LPCAT1: variants seen among roughly 807,000 people sequenced by gnomAD.
The protein encoded by LPCAT1 is lysophosphatidylcholine acyltransferase 1.
Under a neutral mutation model 60.9 loss-of-function variants are expected in LPCAT1, and 23 were observed. The ratio of observed to expected loss-of-function variants is 0.38; its 90% CI spans 0.27 to 0.53. The LOEUF (loss-of-function observed/expected upper bound fraction) is 0.53, where lower values mean the gene tolerates loss of function less well. Among genes scored for constraint, LPCAT1 ranks in the 20% least tolerant of loss-of-function variants. LPCAT1 has a pLI of 0.82. For missense variants in LPCAT1, 622 were observed against 723.6 expected, an observed-to-expected ratio of 0.86 and a Z score of 1.61; for synonymous variants, 340 against 301.1, an observed-to-expected ratio of 1.13 and a Z score of -1.34.
intron 1 of LPCAT1, among the ~76,000 whole-genome samples, chr5:1,507,341 TA>T (rs1397049974): frequency 1.3e-5 from 2 of 152,218 alleles, no homozygotes; most frequent in African/African-American, 4.8e-5. Context: ...GTGTGAGCCA[TA>T]AGTGAGGGTT....
In LPCAT1 at chr5:1,466,770, C is replaced by T. The variant is rs1734425771; in HGVS notation, c.1399G>A (p.Glu467Lys). Reference protein sequence around the residue: ...TDLFRAIDQEEKGKITFADFH... With the variant: ...TDLFRAIDQEKKGKITFADFH... ...TCACCGAATGTGATCTTCCCCTTCT[C>T]CTCTTGGTCAATGGCTCGGAATAGG... The change falls in exon 13 of 14, where the codon GAG becomes AAG. Residue 467 changes from glutamate (E) to lysine (K), a missense_variant. Coordinates refer to ENST00000283415, the MANE Select transcript of LPCAT1 (RefSeq NM_024830.5). 2 of 1,612,354 alleles carry T rather than the reference C, an allele frequency of 1.2e-6. No individual in the cohort carries two copies. The highest frequency in any genetic ancestry group is 2.7e-5 in the African/African-American group (2 of 74,978).
intron 4 of LPCAT1, among the ~76,000 whole-genome samples, chr5:1,489,395 A>G (rs960385178): frequency 6.6e-6 from 1 of 152,246 alleles, no homozygotes; most frequent in Non-Finnish European, 1.5e-5. Flanking sequence ...AGTTTACTCC[A>G]GGACTTTTAG....
At position 1,523,721 on chromosome 5, in the gene LPCAT1, GC is replaced by G; in HGVS notation, c.123del (p.Gln42ArgfsTer8). 1 of 1,159,032 alleles carries G rather than the reference GC, an allele frequency of 8.6e-7. No individual in the cohort carries two copies. Among genetic ancestry groups the G allele is most frequent in the Non-Finnish European group, 1.1e-6 (1 of 935,906 alleles). The allele number at this position is 1,159,032 out of a possible 1,614,324, so 71.8% of individuals were successfully genotyped here. ...CCCTGGGCACCCACCTGGGCCTTCT[GC>G]AGGGCGCTGAGGCGCAGCTCGTGCA... ...PFVHELRLSALQKAQVALMTL... is the reference protein window; with the variant it reads ...PFVHELRLSAXQKAQVALMTL... On this transcript the variant is annotated frameshift_variant, in exon 1 of 14. Coordinates refer to ENST00000283415, the MANE Select transcript of LPCAT1 (RefSeq NM_024830.5). LOFTEE classifies it high-confidence loss of function. The surrounding 1 kb of genome is among the most constrained non-coding windows in gnomAD (Gnocchi z 7.1).
At chr5:1,465,896 C>G (rs1734376353) in intron 13 of LPCAT1, among the ~76,000 whole-genome samples, 1 of 151,990 alleles carries the variant, frequency 6.6e-6, no homozygotes, top group Non-Finnish European at 1.5e-5. Context: ...CGCACACGCA[C>G]ACACACGTGT....
At chr5:1,471,222 A>G (rs1734655858) in intron 11 of LPCAT1, among the ~76,000 whole-genome samples, 1 of 152,220 alleles carries the variant, frequency 6.6e-6, no homozygotes, top group South Asian at 2.1e-4. Context: ...CAAGACCTGC[A>G]TTTGAGAATA....
chr5:1,493,005 G>A (rs985032507), intron 3 of LPCAT1, among the ~76,000 whole-genome samples: 3 of 152,254 alleles, frequency 2.0e-5, no homozygotes, highest in African/African-American at 7.2e-5. Flanking sequence ...ACCACAGGAT[G>A]CAAAGGGTGC....
At position 1,475,184 on chromosome 5, in the gene LPCAT1, T is replaced by C. The variant is rs145123005; in HGVS notation, c.900-499A>G. Among the ~76,000 whole-genome samples the C allele has an allele frequency of 8.3e-4, 127 of 152,350 alleles. 1 individual carries two copies. The highest frequency in any genetic ancestry group is 2.9e-3 in the African/African-American group (120 of 41,580). On this transcript the variant is annotated intron_variant, in intron 9 of 13. Coordinates refer to ENST00000283415, the MANE Select transcript of LPCAT1 (RefSeq NM_024830.5). Reference sequence around the variant, plus strand: ...AGAGCTGCTCTGACCGTGCCGTGTGTGCTCAGGTGATGAGAAATCGGTGCC... The same window carrying C: ...AGAGCTGCTCTGACCGTGCCGTGTGCGCTCAGGTGATGAGAAATCGGTGCC...
intron 1 of LPCAT1, among the ~76,000 whole-genome samples, chr5:1,508,022 G>T (rs1026092916): frequency 2.0e-5 from 3 of 152,220 alleles, no homozygotes; most frequent in Non-Finnish European, 4.4e-5. Context: ...CCTCCACCTT[G>T]CGAGGACACA....
rs188552679 is a variant in LPCAT1 at position 1,477,050 on chromosome 5, G to A, written c.899+354C>T. Among the ~76,000 whole-genome samples the A allele has an allele frequency of 3.3e-5, 5 of 152,240 alleles. No individual in the cohort carries two copies. Among genetic ancestry groups the A allele is most frequent in the Non-Finnish European group, 5.9e-5 (4 of 68,046 alleles). ...CGGTAAGTATCACACAGGCAGATGA[G>A]CAAAGGTAGGCGTGGAGGCCGCCGC... On this transcript the variant is annotated intron_variant, in intron 9 of 13. Coordinates refer to ENST00000283415, the MANE Select transcript of LPCAT1 (RefSeq NM_024830.5). The surrounding 1 kb of genome is among the most constrained non-coding windows in gnomAD (Gnocchi z 6.0).
At chr5:1,504,216 G>C (rs886735918) in intron 1 of LPCAT1, among the ~76,000 whole-genome samples, 13 of 152,248 alleles carry the variant, frequency 8.5e-5, no homozygotes, top group African/African-American at 2.4e-5. Flanking sequence ...AGTCTAAGGG[G>C]CAGCCTTTTC....
intron 1 of LPCAT1, among the ~76,000 whole-genome samples, chr5:1,514,784 G>A (rs1242979556): frequency 6.6e-6 from 1 of 152,036 alleles, no homozygotes; most frequent in Non-Finnish European, 1.5e-5. Flanking sequence ...GTCCCCCTGC[G>A]TGCTCCGCCA....
intron 9 of LPCAT1, 72 bp from the exon 10 acceptor site, chr5:1,474,757 C>T (rs1219366987): frequency 8.4e-6 from 13 of 1,545,230 alleles, no homozygotes; most frequent in East Asian, 4.6e-5. Flanking sequence ...CCAGAATAAC[C>T]GCCGATGGCT....
chr5:1,508,772 G>A (rs370135699), intron 1 of LPCAT1, among the ~76,000 whole-genome samples: 3 of 152,202 alleles, frequency 2.0e-5, no homozygotes, highest in Non-Finnish European at 4.4e-5. Context: ...GAACTCTCTG[G>A]AAGTCTCTGA....
At chr5:1,519,427 C>T (rs529971876) in intron 1 of LPCAT1, among the ~76,000 whole-genome samples, 2 of 152,352 alleles carry the variant, frequency 1.3e-5, no homozygotes, top group South Asian at 4.1e-4. Flanking sequence ...CGATTTTGAA[C>T]CCCCCTTCCC....
At chr5:1,514,780 CT>C (rs1736455856) in intron 1 of LPCAT1, among the ~76,000 whole-genome samples, 2 of 152,116 alleles carry the variant, frequency 1.3e-5, no homozygotes, top group Admixed American at 1.3e-4. Flanking sequence ...AAAGGTCCCC[CT>C]GCGTGCTCCG....
intron 11 of LPCAT1, among the ~76,000 whole-genome samples, chr5:1,473,366 G>A (rs1386726330): frequency 6.6e-6 from 1 of 152,268 alleles, no homozygotes; most frequent in Non-Finnish European, 1.5e-5. Context: ...GCTCGCCGTG[G>A]CAGCCTGTCC....
At position 1,502,456 on chromosome 5, in the gene LPCAT1, TGG is replaced by T. The variant is rs1736052094; in HGVS notation, c.136-855_136-854del. Among the ~76,000 whole-genome samples, 1 of 151,564 alleles carries T rather than the reference TGG, an allele frequency of 6.6e-6. No homozygotes were observed. The highest frequency in any genetic ancestry group is 2.4e-5 in the African/African-American group (1 of 41,210). On this transcript the variant is annotated intron_variant, in intron 1 of 13. Transcript: ENST00000283415. This position sits in a 1 kb window ranked among gnomAD's most constrained non-coding sequence, Gnocchi z 5.5. The stretch of plus-strand genomic sequence containing the variant: ...AATGAAGGTGTGACTTTCCAGTCAA[TGG>T]AAGACCCGGCGCAGGAGAGTGAACT...
Position 1,483,764 on chromosome 5 carries a change from G to A in LPCAT1, c.668-278C>T, listed in dbSNP as rs1735258823. Among the ~76,000 whole-genome samples the A allele has an allele frequency of 6.6e-6, 1 of 151,066 alleles. No individual in the cohort carries two copies. Among genetic ancestry groups the A allele is most frequent in the African/African-American group, 2.4e-5 (1 of 41,098 alleles). On this transcript the variant is annotated intron_variant, in intron 5 of 13. Transcript: ENST00000283415. This position sits in a 1 kb window ranked among gnomAD's most constrained non-coding sequence, Gnocchi z 9.2. Reference sequence around the variant, plus strand: ...CACGAGCTGGAAGGCGTCTGTGGAGGGACACTTGCTATTATAACATTGCGC... The same window carrying A: ...CACGAGCTGGAAGGCGTCTGTGGAGAGACACTTGCTATTATAACATTGCGC...
rs905185973 is a variant in LPCAT1, at chr5:1,481,764, G to A, written c.727-788C>T. On this transcript the variant is annotated intron_variant, in intron 6 of 13. Coordinates refer to ENST00000283415, the MANE Select transcript of LPCAT1 (RefSeq NM_024830.5). The surrounding 1 kb of genome is among the most constrained non-coding windows in gnomAD (Gnocchi z 7.8). ...ATGGTTTCCGCAGCGGAGGCAGGAA[G>A]GGGCCCTTGGCCAGGAGCCTGGCTG... 9.2e-5 allele frequency among the ~76,000 whole-genome samples: 14 copies of A among 152,280 alleles called. No individual in the cohort carries two copies. Among genetic ancestry groups the A allele is most frequent in the African/African-American group, 2.7e-4 (11 of 41,480 alleles).
Sources: allele counts gnomAD v4.1 joint callset (sites outside exome capture counted in the v4.1 genomes callset), GRCh38; gene constraint gnomAD v4.1.1; non-coding constraint Gnocchi (gnomAD v3.1); transcripts MANE v1.5; gene names NCBI Gene and HGNC (gene_info 2026-07-23, HGNC 2026-07-21).